The following PSMA6 variants were observed in gnomAD, a reference collection of about 807,000 sequenced individuals.
PSMA6 encodes proteasome subunit alpha type-6.
For missense variants in PSMA6, 170 were observed against 294.8 expected, an observed-to-expected ratio of 0.58 and a Z score of 3.10; for synonymous variants, 88 against 97.7, an observed-to-expected ratio of 0.90 and a Z score of 0.59.
chr14:35,289,936 A>AAAT (rs2051460156), upstream of PSMA6, among the ~76,000 whole-genome samples: 1 of 149,254 alleles, frequency 6.7e-6, no homozygotes. Context: ...AAAAAAAAAA[A>AAAT]GGCAGAATAG....
chr14:35,298,383 G>T (rs1372279533), intron 1 of PSMA6, among the ~76,000 whole-genome samples: 2 of 151,994 alleles, frequency 1.3e-5, no homozygotes, highest in African/African-American at 4.8e-5. Context: ...CCAGCTACTA[G>T]GGAGGCTGAG....
At chr14:35,291,216 C>G (rs2051475121), upstream of PSMA6, among the ~76,000 whole-genome samples, 4 of 144,806 alleles carry the variant, frequency 2.8e-5, no homozygotes, top group Admixed American at 2.7e-4. Flanking sequence ...GTTAGGCTTT[C>G]TTTCTTTTTT....
At chr14:35,279,658 G>A (rs1043914959) in intron 1 of PSMA6, among the ~76,000 whole-genome samples, 1 of 152,144 alleles carries the variant, frequency 6.6e-6, no homozygotes, top group Non-Finnish European at 1.5e-5. Flanking sequence ...ATAAACTCTG[G>A]TCAGGCCATG....
intron 2 of PSMA6, 30 bp downstream of exon 2, chr14:35,308,118 T>C (rs764701683): frequency 1.9e-6 from 3 of 1,610,094 alleles, no homozygotes; most frequent in Admixed American, 3.3e-5. Flanking sequence ...TAGTTAATAA[T>C]TGCAGAATAT....
chr14:35,292,211 T>C (rs1566550946), upstream of PSMA6: 3 of 945,066 alleles, frequency 3.2e-6, no homozygotes, highest in Non-Finnish European at 4.2e-6. Flanking sequence ...GACCCAAGTT[T>C]CACGTCTATC....
At chr14:35,302,724 T>A (rs1333411158) in intron 1 of PSMA6, among the ~76,000 whole-genome samples, 1 of 152,190 alleles carries the variant, frequency 6.6e-6, no homozygotes, top group African/African-American at 2.4e-5. Context: ...TCTGCCTTTT[T>A]AAGATTGGAT....
Position 35,312,998 on chromosome 14 carries a change from C to T in PSMA6, c.527C>T (p.Thr176Ile). 6.3e-7 allele frequency: 1 copy of T among 1,579,528 alleles called. No individual in the cohort carries two copies. Among genetic ancestry groups the T allele is most frequent in the Non-Finnish European group, 8.5e-7 (1 of 1,170,212 alleles). ...TAAGVKQTESTSFLEKKVKKK... is the reference protein window; with the variant it reads ...TAAGVKQTESISFLEKKVKKK... ...GCGGGAGTTAAACAAACTGAGTCAA[C>T]CAGCTTCCTTGAAAAAAAAGTGAAG... Residue 176 changes from threonine to isoleucine, a missense_variant, in exon 5 of 7, where the codon ACC (threonine) becomes ATC (isoleucine). Coordinates refer to ENST00000261479, the MANE Select transcript of PSMA6 (RefSeq NM_002791.3).
chr14:35,304,874 G>A (rs2051794833), intron 1 of PSMA6, among the ~76,000 whole-genome samples: 1 of 152,134 alleles, frequency 6.6e-6, no homozygotes, highest in African/African-American at 2.4e-5. Context: ...TTGAGGCCAA[G>A]AGTTTGAGAC....
intron 1 of PSMA6, among the ~76,000 whole-genome samples, chr14:35,302,176 G>A (rs377062226): frequency 6.6e-6 from 1 of 152,294 alleles, no homozygotes; most frequent in East Asian, 1.9e-4. Context: ...CTACCAGAGG[G>A]TTAATGATTT....
At chr14:35,292,217 C>G (rs922246355), upstream of PSMA6, 26 of 1,006,028 alleles carry the variant, frequency 2.6e-5, no homozygotes, top group Non-Finnish European at 3.1e-5. Flanking sequence ...AGTTTCACGT[C>G]TATCCACTCA....
At chr14:35,287,984 AT>A (rs1488455794), upstream of PSMA6, among the ~76,000 whole-genome samples, 2 of 152,362 alleles carry the variant, frequency 1.3e-5, no homozygotes, top group African/African-American at 4.8e-5. Context: ...AGAGGAATTC[AT>A]TTAGCTATGT....
rs766331818 is a variant in PSMA6, at chr14:35,278,664, C to T, written c.-36C>T. Reference sequence around the variant, plus strand: ...CTAGGCTGGGAGAATGGGATGGAGCCTCCACCTCATGAAGTAGCTTCCTTT... The same window carrying T: ...CTAGGCTGGGAGAATGGGATGGAGCTTCCACCTCATGAAGTAGCTTCCTTT... On this transcript the variant is annotated 5_prime_UTR_variant, in exon 1 of 7. Coordinates refer to the PSMA6 transcript ENST00000540871. 24 of 1,534,818 alleles carry T rather than the reference C, an allele frequency of 1.6e-5. No homozygotes were observed. The South Asian group carries it at 2.5e-4, about 16-fold the overall frequency.
intron 1 of PSMA6, among the ~76,000 whole-genome samples, chr14:35,285,294 C>T (rs1181613873): frequency 6.7e-6 from 1 of 148,744 alleles, no homozygotes; most frequent in Non-Finnish European, 1.5e-5. Context: ...GAGCCAAGAT[C>T]GTGCCACTGC....
upstream of PSMA6, chr14:35,292,346 G>A (rs765225332): frequency 7.3e-6 from 11 of 1,514,494 alleles, no homozygotes; most frequent in African/African-American, 4.2e-5. Flanking sequence ...CCGTGAGTTC[G>A]GCATGCAAGA....
upstream of PSMA6, among the ~76,000 whole-genome samples, chr14:35,291,443 A>T (rs2051478514): frequency 6.6e-6 from 1 of 151,922 alleles, no homozygotes; most frequent in African/African-American, 2.4e-5. Context: ...GATGGTCTCA[A>T]TCTCCTGACC....
chr14:35,307,179 C>T (rs1261866919), intron 1 of PSMA6, among the ~76,000 whole-genome samples: 1 of 152,040 alleles, frequency 6.6e-6, no homozygotes, highest in Admixed American at 6.6e-5. Context: ...TTGTAGGTAA[C>T]ATAAAAATTG....
At chr14:35,302,872 C>G (rs1158714769) in intron 1 of PSMA6, among the ~76,000 whole-genome samples, 1 of 151,820 alleles carries the variant, frequency 6.6e-6, no homozygotes, top group Admixed American at 6.6e-5. Context: ...TTCATTTTTT[C>G]TTTGCTGAGA....
At chr14:35,283,552 C>CTT (rs750836861) in intron 1 of PSMA6, among the ~76,000 whole-genome samples, 12 of 126,652 alleles carry the variant, frequency 9.5e-5, no homozygotes, top group South Asian at 2.6e-4. Context: ...GACTAGAACT[C>CTT]TTTTTTTTTT....
chr14:35,301,242 C>T (rs1311628164), intron 1 of PSMA6, among the ~76,000 whole-genome samples: 1 of 152,154 alleles, frequency 6.6e-6, no homozygotes, highest in Admixed American at 6.5e-5. Flanking sequence ...CAGTGGTTCA[C>T]ACCTATAATC....
Sources: allele counts gnomAD v4.1 joint callset (sites outside exome capture counted in the v4.1 genomes callset), GRCh38; gene constraint gnomAD v4.1.1; transcripts MANE v1.5; gene names NCBI Gene and HGNC (gene_info 2026-07-23, HGNC 2026-07-21).